Variants in TMEM45B observed in about 807,000 individuals in gnomAD.
TMEM45B encodes transmembrane protein 45B.
A neutral mutation model predicts 27.3 loss-of-function variants in TMEM45B; 29 were observed. That is an observed-to-expected ratio of 1.06 (90% confidence interval 0.79 to 1.45). TMEM45B has a LOEUF of 1.45. TMEM45B is among the 40% of genes most tolerant of loss of function. TMEM45B has a pLI of 0.00. For missense variants in TMEM45B, 348 were observed against 343.9 expected (o/e 1.01, Z -0.09); for synonymous variants, 143 against 134.7 (o/e 1.06, Z -0.43).
At chr11:129,849,789 T>C (rs1421456469) in intron 1 of TMEM45B, among the ~76,000 whole-genome samples, 1 of 152,216 alleles carries the variant, frequency 6.6e-6, no homozygotes, top group Non-Finnish European at 1.5e-5. Flanking sequence ...CAGTGATCTC[T>C]GAGACCCCGC....
chr11:129,837,387 G>T (rs1349357825), intron 1 of TMEM45B, among the ~76,000 whole-genome samples: 2 of 151,788 alleles, frequency 1.3e-5, no homozygotes, highest in Non-Finnish European at 2.9e-5. Flanking sequence ...CCGGGTTCAA[G>T]AGATTCTCCT....
intron 1 of TMEM45B, among the ~76,000 whole-genome samples, 187 bp from the exon 2 acceptor site, chr11:129,852,287 GT>G (rs1286717182): frequency 1.2e-4 from 18 of 152,198 alleles, no homozygotes; most frequent in African/African-American, 3.4e-4. Flanking sequence ...AGTCCAGTTG[GT>G]TATGCAACTC....
intron 1 of TMEM45B, among the ~76,000 whole-genome samples, chr11:129,826,567 A>AAAAAGAAAAAT (rs1199881268): frequency 1.2e-4 from 12 of 96,118 alleles, no homozygotes; most frequent in Non-Finnish European, 1.4e-4. Context: ...AAAAAAAAAA[A>AAAAAGAAAAAT]AGGACCCTGA....
intron 1 of TMEM45B, 73 bp from the exon 2 acceptor site, chr11:129,852,402 G>A: frequency 1.5e-6 from 2 of 1,364,036 alleles, no homozygotes; most frequent in Non-Finnish European, 2.0e-6. Context: ...GGCACGTATT[G>A]TGTTTCCTGC....
intron 1 of TMEM45B, among the ~76,000 whole-genome samples, chr11:129,821,249 A>T (rs1393307943): frequency 6.6e-6 from 1 of 152,110 alleles, no homozygotes; most frequent in Admixed American, 6.5e-5. Flanking sequence ...GAGCCAAGGA[A>T]ACTCATGGGG....
intron 1 of TMEM45B, among the ~76,000 whole-genome samples, chr11:129,851,806 C>T (rs149683811): frequency 3.9e-5 from 6 of 152,250 alleles, no homozygotes; most frequent in African/African-American, 9.6e-5. Flanking sequence ...ATGTTTACAT[C>T]GTTATGCTGA....
rs532185983 is a variant in TMEM45B, at chr11:129,836,248, G to A, written c.-8-16227G>A. Reference sequence around the variant, plus strand: ...TGTCTATGCTCTGCCTGTCCTGTTTGGGAAGCAGATAATTTCTTGTCTGGT... The same window carrying A: ...TGTCTATGCTCTGCCTGTCCTGTTTAGGAAGCAGATAATTTCTTGTCTGGT... On this transcript the variant is annotated intron_variant, in intron 1 of 5. Transcript: ENST00000281441. 2.0e-5 allele frequency among the ~76,000 whole-genome samples: 3 copies of A among 151,310 alleles called. No individual in the cohort carries two copies. In the South Asian group the frequency reaches 6.3e-4, roughly 32 times the overall value.
At position 129,817,590 on chromosome 11, in the gene TMEM45B, C is replaced by T. The variant is rs540330813; in HGVS notation, c.-9+1692C>T. On this transcript the variant is annotated intron_variant, in intron 1 of 5. Coordinates refer to ENST00000281441, the MANE Select transcript of TMEM45B (RefSeq NM_138788.5). Reference sequence around the variant, plus strand: ...TCTTTTTAAAGAGCTTTGATTTCCTCTCACATCTTCATGAAGATGGAAACA... The same window carrying T: ...TCTTTTTAAAGAGCTTTGATTTCCTTTCACATCTTCATGAAGATGGAAACA... Among the ~76,000 whole-genome samples the T allele has an allele frequency of 2.0e-5, 3 of 152,340 alleles. No homozygotes were observed. In the East Asian group the frequency reaches 5.8e-4, roughly 29 times the overall value.
In TMEM45B at chr11:129,836,485, T is replaced by C. The variant is rs182644576; in HGVS notation, c.-8-15990T>C. Among the ~76,000 whole-genome samples, 600 of 152,288 alleles carry C rather than the reference T, an allele frequency of 3.9e-3. 7 individuals are homozygous for C. The highest frequency in any genetic ancestry group is 7.1e-3 in the Non-Finnish European group (481 of 68,012). On this transcript the variant is annotated intron_variant, in intron 1 of 5. Coordinates refer to ENST00000281441, the MANE Select transcript of TMEM45B (RefSeq NM_138788.5). ...TCAGGGAGCAGAGGACAGGGTGTTA[T>C]GGGCTGAGTGTGCTCTCTCCAAATT...
At chr11:129,856,771 G>A (rs1331541114) in intron 4 of TMEM45B, among the ~76,000 whole-genome samples, 5 of 151,410 alleles carry the variant, frequency 3.3e-5, no homozygotes, top group African/African-American at 1.2e-4. Flanking sequence ...GTGTTAGCCA[G>A]GATGGTTTCA....
intron 1 of TMEM45B, among the ~76,000 whole-genome samples, chr11:129,849,453 C>T (rs1947813848): frequency 6.6e-6 from 1 of 152,226 alleles, no homozygotes; most frequent in Non-Finnish European, 1.5e-5. Context: ...GCCCCCAAGG[C>T]TCCAGGTGAT....
rs550795534 is a variant in TMEM45B at position 129,816,517 on chromosome 11, C to T, written c.-9+619C>T. On this transcript the variant is annotated intron_variant, in intron 1 of 5. Transcript: ENST00000281441. The stretch of plus-strand genomic sequence containing the variant: ...CAGTGCTTAGCTTCCGTTAATGGAG[C>T]CATGGATGGAAGCGGATGTCAGGCG... 3.7e-4 allele frequency among the ~76,000 whole-genome samples: 56 copies of T among 152,182 alleles called. 1 individual carries two copies. The South Asian group carries it at 0.011, about 30-fold the overall frequency.
intron 1 of TMEM45B, among the ~76,000 whole-genome samples, chr11:129,843,528 G>A (rs894272019): frequency 6.6e-6 from 1 of 151,492 alleles, no homozygotes; most frequent in Non-Finnish European, 1.5e-5. Flanking sequence ...AGGTGATTGA[G>A]ATTTTTGTAA....
chr11:129,824,502 G>A (rs1022739315), intron 1 of TMEM45B, among the ~76,000 whole-genome samples: 6 of 152,198 alleles, frequency 3.9e-5, no homozygotes, highest in Non-Finnish European at 8.8e-5. Context: ...CACAGTAGTA[G>A]AAATCAAGGG....
intron 1 of TMEM45B, among the ~76,000 whole-genome samples, chr11:129,822,196 T>C (rs1020435821): frequency 1.3e-5 from 2 of 152,190 alleles, no homozygotes; most frequent in African/African-American, 4.8e-5. Context: ...TTCTGAATGG[T>C]TTTTACAGTA....
chr11:129,819,837 A>G (rs770739843), intron 1 of TMEM45B, among the ~76,000 whole-genome samples: 4 of 151,754 alleles, frequency 2.6e-5, no homozygotes, highest in Non-Finnish European at 4.4e-5. Context: ...TACAGATGTG[A>G]GCCACCACGC....
chr11:129,852,832 A>G (rs544741729), intron 2 of TMEM45B, 172 bp downstream of exon 2: 1 of 574,654 alleles, frequency 1.7e-6, no homozygotes, highest in East Asian at 3.1e-5. Flanking sequence ...ACAGAGCTTT[A>G]TAATACTAAC....
intron 4 of TMEM45B, 126 bp downstream of exon 4, chr11:129,856,018 G>A: frequency 1.8e-6 from 2 of 1,117,646 alleles, no homozygotes; most frequent in Non-Finnish European, 2.5e-6. Flanking sequence ...ATGCAAAGGG[G>A]TTTAGATGAC....
chr11:129,852,890 C>A (rs549776276), intron 2 of TMEM45B: 3 of 384,504 alleles, frequency 7.8e-6, no homozygotes, highest in African/African-American at 4.1e-5. Context: ...CTCAAATCAA[C>A]AAGGACACAG....
Sources: gnomAD v4.1 joint callset for allele counts (sites outside exome capture counted in the v4.1 genomes callset) on GRCh38, gnomAD v4.1.1 for gene constraint, MANE v1.5 for transcripts, NCBI Gene and HGNC (gene_info 2026-07-23, HGNC 2026-07-21) for gene names.